Variants in PCNX1 observed in about 807,000 individuals in gnomAD.
PCNX1 encodes pecanex-like protein 1.
In PCNX1, 78 loss-of-function variants were observed where a neutral mutation model predicts 242.2. The ratio of observed to expected loss-of-function variants is 0.32; its 90% CI spans 0.27 to 0.39. The LOEUF (loss-of-function observed/expected upper bound fraction) is 0.39. Ranked by LOEUF, PCNX1 falls within the 10% of genes least tolerant of loss-of-function variation. PCNX1 has a pLI of 1.00. For missense variants in PCNX1, 2,581 were observed against 2,856.5 expected, an observed-to-expected ratio of 0.90 and a Z score of 2.20; for synonymous variants, 1,024 against 1,032.9, an observed-to-expected ratio of 0.99 and a Z score of 0.17.
At chr14:71,019,604 G>T (rs554343877) in intron 12 of PCNX1, among the ~76,000 whole-genome samples, 63 of 152,288 alleles carry the variant, frequency 4.1e-4, no homozygotes, top group Middle Eastern at 3.4e-3. Flanking sequence ...GTTTCACCAT[G>T]TTGGTCAGGC....
chr14:70,925,801 AGAG>A (rs1363077107), intron 1 of PCNX1, among the ~76,000 whole-genome samples: 1 of 152,048 alleles, frequency 6.6e-6, no homozygotes, highest in Admixed American at 6.6e-5. Flanking sequence ...CCCCTTTTGC[AGAG>A]GAGGAAACAG....
At chr14:70,974,232 GT>G (rs1285287570) in intron 5 of PCNX1, among the ~76,000 whole-genome samples, 1 of 142,844 alleles carries the variant, frequency 7.0e-6, no homozygotes, top group Admixed American at 7.0e-5. Context: ...TGGAATTGTG[GT>G]TTTTTTTGTT....
chr14:71,060,861 A>G (rs887242705), intron 26 of PCNX1: 1 of 152,216 alleles, frequency 6.6e-6, no homozygotes, highest in Non-Finnish European at 1.5e-5. Flanking sequence ...TTTGTTTGCG[A>G]TATTGAAAGA....
chr14:70,926,177 T>G (rs944331008), intron 1 of PCNX1, among the ~76,000 whole-genome samples: 1 of 152,224 alleles, frequency 6.6e-6, no homozygotes, highest in African/African-American at 2.4e-5. Flanking sequence ...TAAAGTGAGA[T>G]AATTTGTGTC....
chr14:71,039,922 G>A (rs1170293664), intron 19 of PCNX1, among the ~76,000 whole-genome samples: 2 of 152,014 alleles, frequency 1.3e-5, no homozygotes, highest in African/African-American at 4.8e-5. Context: ...TTATTTTGTG[G>A]GTATCCATGT....
intron 8 of PCNX1, among the ~76,000 whole-genome samples, chr14:71,003,494 C>T (rs2059570253): frequency 6.6e-6 from 1 of 152,170 alleles, no homozygotes; most frequent in South Asian, 2.1e-4. Context: ...CATTCTGTGG[C>T]TTGTCTTTTT....
intron 1 of PCNX1, among the ~76,000 whole-genome samples, chr14:70,913,302 A>T (rs2056006309): frequency 6.6e-6 from 1 of 152,058 alleles, no homozygotes; most frequent in African/African-American, 2.4e-5. Flanking sequence ...TGGAGGGAGG[A>T]TTGTGGTAGG....
chr14:71,088,288 T>G, intron 28 of PCNX1, 42 bp from the exon 29 acceptor site: 1 of 1,142,478 alleles, frequency 8.8e-7, no homozygotes, highest in Middle Eastern at 2.0e-4. Context: ...GTTAAATACT[T>G]ACATACCTTT....
rs763415353 is a variant in PCNX1, at chr14:71,108,720, A to C, written c.6418A>C (p.Met2140Leu). 1.9e-6 allele frequency: 3 copies of C among 1,614,080 alleles called. No individual in the cohort carries two copies. Among genetic ancestry groups the C allele is most frequent in the Middle Eastern group, 3.3e-4 (2 of 6,084 alleles). Residue 2140 changes from methionine to leucine, a missense_variant, in exon 34 of 36, where the codon ATG becomes CTG. Met to Leu is a conservative substitution (Grantham distance 15, BLOSUM62 2). Around this residue, in one of 9 missense-constraint regions of PCNX1, gnomAD observed 432 missense variants for 433.6 expected, o/e 1.00. Coordinates refer to ENST00000304743, the MANE Select transcript of PCNX1 (RefSeq NM_014982.3). ...CYSSRHSSLRMSTTGFVPCRR... is the reference protein window; with the variant it reads ...CYSSRHSSLRLSTTGFVPCRR... ...TAGCAGCCGGCATTCATCCCTCCGG[A>C]TGTCCACCACTGGGTTTGTGCCTTG... is the stretch of plus-strand genomic sequence containing the variant.
intron 26 of PCNX1, among the ~76,000 whole-genome samples, chr14:71,064,517 T>G (rs960997071): frequency 6.6e-6 from 1 of 152,210 alleles, no homozygotes; most frequent in African/African-American, 2.4e-5. Flanking sequence ...AATACAGCTC[T>G]TGTGTTATTT....
At chr14:70,932,260 T>G (rs990376489) in intron 1 of PCNX1, among the ~76,000 whole-genome samples, 1 of 152,246 alleles carries the variant, frequency 6.6e-6, no homozygotes, top group Non-Finnish European at 1.5e-5. Context: ...AAGGACAGCT[T>G]CCGGGGAGAG....
intron 8 of PCNX1, among the ~76,000 whole-genome samples, chr14:70,998,630 A>T (rs2059418875): frequency 6.6e-6 from 1 of 151,794 alleles, no homozygotes; most frequent in African/African-American, 2.4e-5. Context: ...ACGTGCCTGT[A>T]ATCCCAGTTA....
chr14:70,961,867 C>A (rs1437999529), intron 2 of PCNX1, among the ~76,000 whole-genome samples: 1 of 152,030 alleles, frequency 6.6e-6, no homozygotes, highest in African/African-American at 2.4e-5. Context: ...TTTCTCTTTG[C>A]TCTAGGGAAG....
At chr14:71,100,062 A>G (rs1487176496) in intron 30 of PCNX1, among the ~76,000 whole-genome samples, 3 of 152,010 alleles carry the variant, frequency 2.0e-5, no homozygotes, top group African/African-American at 4.8e-5. Context: ...TAGACCATTT[A>G]CATTCAAGGT....
intron 30 of PCNX1, among the ~76,000 whole-genome samples, chr14:71,098,549 T>A (rs61990454): frequency 0.22 from 27,885 of 124,922 alleles, 2,824 homozygotes; most frequent in Middle Eastern, 0.31. Context: ...TGTGTGTGTG[T>A]GTGTGAGAGA....
chr14:70,990,631 T>C (rs946605405), intron 7 of PCNX1, among the ~76,000 whole-genome samples: 4 of 151,962 alleles, frequency 2.6e-5, no homozygotes, highest in Non-Finnish European at 5.9e-5. Context: ...AAGTCAAAAT[T>C]CTATAAAAAG....
chr14:71,073,522 A>G, intron 26 of PCNX1, 23 bp from the exon 27 acceptor site: 1 of 1,567,340 alleles, frequency 6.4e-7, no homozygotes, highest in Non-Finnish European at 8.7e-7. Context: ...CCCCCTTTGT[A>G]AAGCTCTCTC....
chr14:70,947,726 A>AGAGG (rs1458788744), intron 2 of PCNX1, among the ~76,000 whole-genome samples: 4 of 152,220 alleles, frequency 2.6e-5, no homozygotes, highest in Non-Finnish European at 5.9e-5. Context: ...TAGAAAAGGA[A>AGAGG]GAGGATAACA....
At chr14:71,017,932 G>T (rs936516482) in intron 11 of PCNX1, among the ~76,000 whole-genome samples, 1 of 152,068 alleles carries the variant, frequency 6.6e-6, no homozygotes, top group African/African-American at 2.4e-5. Context: ...ATATGGAATT[G>T]GGTTAATATA....
Sources: allele counts gnomAD v4.1 joint callset (sites outside exome capture counted in the v4.1 genomes callset), GRCh38; gene constraint gnomAD v4.1.1; regional missense constraint gnomAD v4.1.1; transcripts MANE v1.5; gene names NCBI Gene and HGNC (gene_info 2026-07-23, HGNC 2026-07-21).